Variants in SH3PXD2A observed in about 807,000 individuals in gnomAD.
SH3PXD2A encodes SH3 and PX domain-containing protein 2A.
Under a neutral mutation model 115.2 loss-of-function variants are expected in SH3PXD2A, and 32 were observed. That is an observed-to-expected ratio of 0.28 (90% CI 0.21 to 0.37). SH3PXD2A has a LOEUF of 0.37. SH3PXD2A is among the 10% of genes least tolerant of loss of function. The pLI is 1.00. For missense variants in SH3PXD2A, 1,328 were observed against 1,498.7 expected, an observed-to-expected ratio of 0.89 and a Z score of 1.88; for synonymous variants, 610 against 629.1, an observed-to-expected ratio of 0.97 and a Z score of 0.45.
chr10:103,853,710 C>A (rs572045149), intron 1 of SH3PXD2A, among the ~76,000 whole-genome samples: 2 of 152,230 alleles, frequency 1.3e-5, no homozygotes, highest in African/African-American at 4.8e-5. Flanking sequence ...TGGAAACGCA[C>A]CTGCCTGGGT....
rs555449502 is a variant in SH3PXD2A at position 103,705,288 on chromosome 10, G to A, written c.399-12232C>T. 2.4e-3 allele frequency among the ~76,000 whole-genome samples: 361 copies of A among 152,344 alleles called. 5 individuals are homozygous for A. The highest frequency in any genetic ancestry group is 2.9e-3 in the African/African-American group (122 of 41,580). On this transcript the variant is annotated intron_variant, in intron 5 of 14. Coordinates refer to ENST00000369774, the MANE Select transcript of SH3PXD2A (RefSeq NM_001394015.1). ...ACCCCAAAGTATGGTGGCAAACAGG[G>A]GGAGGGAAGGGCGGGCGTGGGCCAG...
intron 7 of SH3PXD2A, among the ~76,000 whole-genome samples, chr10:103,662,485 C>T (rs905789331): frequency 2.0e-4 from 29 of 148,006 alleles, no homozygotes; most frequent in African/African-American, 6.7e-4. Flanking sequence ...CTGCAAGCTC[C>T]GCTTCCCGGG....
In SH3PXD2A at chr10:103,767,114, C is replaced by T; in HGVS notation, c.209G>A (p.Arg70Lys). Residue 70 changes from arginine (R) to lysine (K), a missense_variant, in exon 3 of 15, where the codon AGG becomes AAG. Physicochemically the swap from Arg to Lys is conservative, Grantham distance 26. Around this residue, in one of 5 missense-constraint regions of SH3PXD2A, gnomAD observed 110 missense variants for 160.0 expected, o/e 0.69. Transcript: ENST00000369774. ...CTTACCTGGGAGGAAGGGGATGATC[C>T]TTTGCTTGGGGTCCTTCTGGCCACC... ...IEGGQKDPKQ[R>K]IIPFLPGKIL... is the part of the protein sequence containing the mutation. 6.2e-7 allele frequency: 1 copy of T among 1,613,984 alleles called. No homozygotes were observed. Among genetic ancestry groups the T allele is most frequent in the Non-Finnish European group, 8.5e-7 (1 of 1,179,894 alleles).
chr10:103,714,634 G>A (rs1324863852), intron 5 of SH3PXD2A, among the ~76,000 whole-genome samples: 1 of 152,190 alleles, frequency 6.6e-6, no homozygotes, highest in African/African-American at 2.4e-5. Context: ...AGGTTGAAGG[G>A]GGCATGGCAG....
chr10:103,620,799 G>A lies in SH3PXD2A; in HGVS notation c.802+1671C>T, dbSNP rs1257590044. On this transcript the variant is annotated intron_variant, in intron 10 of 14. Transcript: ENST00000369774. This position sits in a 1 kb window ranked among gnomAD's most constrained non-coding sequence, Gnocchi z 5.3. The stretch of plus-strand genomic sequence containing the variant: ...GACCAAGAATTAGGCATTTCATTGC[G>A]TATTTGTGTCTCCACATATCACTGT... 1.3e-5 allele frequency among the ~76,000 whole-genome samples: 2 copies of A among 152,198 alleles called. No homozygotes were observed. The highest frequency in any genetic ancestry group is 6.5e-5 in the Admixed American group (1 of 15,282).
At chr10:103,708,403 G>C (rs1341951977) in intron 5 of SH3PXD2A, among the ~76,000 whole-genome samples, 1 of 152,112 alleles carries the variant, frequency 6.6e-6, no homozygotes, top group Non-Finnish European at 1.5e-5. Flanking sequence ...TGGAGCCCAG[G>C]CCTCCCCAGG....
At chr10:103,851,193 C>G (rs910632603) in intron 1 of SH3PXD2A, among the ~76,000 whole-genome samples, 1 of 150,814 alleles carries the variant, frequency 6.6e-6, no homozygotes, top group Admixed American at 6.6e-5. Context: ...GAGTTTGGGG[C>G]CAATTCCTAA....
chr10:103,681,543 G>A (rs950271967), intron 6 of SH3PXD2A, among the ~76,000 whole-genome samples: 5 of 152,200 alleles, frequency 3.3e-5, no homozygotes, highest in African/African-American at 1.2e-4. Context: ...CAAGGCAGGA[G>A]GATCTGCCTG....
chr10:103,798,058 C>T (rs993336864), intron 2 of SH3PXD2A, among the ~76,000 whole-genome samples: 2 of 152,110 alleles, frequency 1.3e-5, no homozygotes, highest in African/African-American at 4.8e-5. Flanking sequence ...GAACCCGAGG[C>T]CGCCTCGTGG....
intron 13 of SH3PXD2A, among the ~76,000 whole-genome samples, chr10:103,606,177 TATCATCATCATCATCATCATCATC>T (rs56654395): frequency 4.9e-5 from 7 of 142,726 alleles, no homozygotes; most frequent in African/African-American, 1.3e-4. Context: ...TTACTATTAC[TATCATCATCATCATCATCATCATC>T]ATCATCATCA....
chr10:103,828,647 G>A (rs925881076), intron 1 of SH3PXD2A, among the ~76,000 whole-genome samples: 3 of 152,122 alleles, frequency 2.0e-5, no homozygotes, highest in Non-Finnish European at 2.9e-5. Context: ...AGATGCTGCC[G>A]AGATCCCAAG....
At position 103,724,321 on chromosome 10, in the gene SH3PXD2A, T is replaced by C; in HGVS notation, c.347A>G (p.Glu116Gly). 1 of 1,585,918 alleles carries C rather than the reference T, an allele frequency of 6.3e-7. No homozygotes were observed. The highest frequency in any genetic ancestry group is 8.6e-7 in the Non-Finnish European group (1 of 1,168,702). The change falls in exon 5 of 15, where the codon GAA becomes GGA. Residue 116 changes from glutamate to glycine, a missense_variant. By Grantham distance (98) the Glu-to-Gly change is moderately conservative. Transcript: ENST00000369774. ...RLPPHISQCD[E>G]VFRFFEARPE... is the part of the protein sequence containing the mutation. ...TCGAGCCTCGAAGAACCGGAAGACT[T>C]CGTCACACTGTGAGATGTGGGGGGG...
chr10:103,601,811 C>A lies in SH3PXD2A; in HGVS notation c.*5G>T, dbSNP rs766660978. The A allele has an allele frequency of 6.3e-7, 1 of 1,587,624 alleles. No individual in the cohort carries two copies. The highest frequency in any genetic ancestry group is 8.6e-7 in the Non-Finnish European group (1 of 1,166,230). On this transcript the variant is annotated 3_prime_UTR_variant, in exon 15 of 15. Transcript: ENST00000369774. ...CACTGAGGCTGGAAGAGCCCAGGCC[C>A]TCTGCTAGTTCTTTTTCTCAAGGTA...
intron 9 of SH3PXD2A, 88 bp from the exon 10 acceptor site, chr10:103,622,641 G>T: frequency 2.6e-6 from 2 of 771,906 alleles, no homozygotes; most frequent in Non-Finnish European, 4.4e-6. Context: ...GGGGGTGGGA[G>T]GAAGGGGCAC....
At chr10:103,798,699 A>G (rs1357034311) in intron 2 of SH3PXD2A, among the ~76,000 whole-genome samples, 2 of 152,210 alleles carry the variant, frequency 1.3e-5, no homozygotes, top group African/African-American at 4.8e-5. Flanking sequence ...GGAAAGGAGC[A>G]AAACATTTCT....
chr10:103,625,832 G>A (rs545905058), intron 9 of SH3PXD2A, among the ~76,000 whole-genome samples: 14 of 152,382 alleles, frequency 9.2e-5, no homozygotes, highest in African/African-American at 3.4e-4. Context: ...AGAGGTTGCA[G>A]TGAGCTGACA....
intron 8 of SH3PXD2A, among the ~76,000 whole-genome samples, chr10:103,628,342 C>A (rs2036728931): frequency 6.6e-6 from 1 of 152,202 alleles, no homozygotes; most frequent in Non-Finnish European, 1.5e-5. Flanking sequence ...TGAATGCCCT[C>A]TGTCTCCTAC....
At chr10:103,834,280 A>G (rs1314257027) in intron 1 of SH3PXD2A, among the ~76,000 whole-genome samples, 2 of 152,194 alleles carry the variant, frequency 1.3e-5, no homozygotes, top group Admixed American at 6.5e-5. Flanking sequence ...CTACGAGCCA[A>G]TGAAGGGGCT....
rs545206941 is a variant in SH3PXD2A at position 103,765,211 on chromosome 10, G to A, written c.229+1883C>T. 1.3e-3 allele frequency among the ~76,000 whole-genome samples: 198 copies of A among 152,288 alleles called. 1 individual carries two copies. The South Asian group carries it at 0.013, about 10-fold the overall frequency. ...GGGCAGTTTGACTCCTGAGACAAGG[G>A]GCTGAGGTAGCGGCAGTACACAAGC... is the stretch of plus-strand genomic sequence containing the variant. On this transcript the variant is annotated intron_variant, in intron 3 of 14. Transcript: ENST00000369774.
Sources: gnomAD v4.1 joint callset for allele counts (sites outside exome capture counted in the v4.1 genomes callset) on GRCh38, gnomAD v4.1.1 for gene constraint, gnomAD v4.1.1 regional missense constraint, Gnocchi (gnomAD v3.1) non-coding constraint, MANE v1.5 for transcripts, NCBI Gene and HGNC (gene_info 2026-07-23, HGNC 2026-07-21) for gene names.